TRIP12: variants seen among roughly 807,000 people sequenced by gnomAD.
TRIP12 encodes the protein E3 ubiquitin-protein ligase TRIP12.
A neutral mutation model predicts 244.2 loss-of-function variants in TRIP12; 25 were observed. The ratio of observed to expected loss-of-function variants is 0.10; its 90% confidence interval spans 0.07 to 0.14. The LOEUF is 0.14. TRIP12 is among the 10% of genes least tolerant of loss of function. The pLI, the probability that TRIP12 is intolerant of heterozygous loss-of-function variation, is 1.00. For missense variants in TRIP12, 1,677 were observed against 2,486.4 expected, an observed-to-expected ratio of 0.67 and a Z score of 6.92; for synonymous variants, 905 against 873.1, an observed-to-expected ratio of 1.04 and a Z score of -0.64.
chr2:229,821,098 A>C (rs916641873), intron 8 of TRIP12, among the ~76,000 whole-genome samples: 1 of 152,180 alleles, frequency 6.6e-6, no homozygotes, highest in Non-Finnish European at 1.5e-5. Context: ...GTAAAGACCT[A>C]ATTAAATTAA....
At chr2:229,896,068 TA>T (rs1448521989) in intron 1 of TRIP12, among the ~76,000 whole-genome samples, 3 of 151,996 alleles carry the variant, frequency 2.0e-5, no homozygotes, top group African/African-American at 7.2e-5. Flanking sequence ...TTGGTCAGAT[TA>T]AAAGTTTTTC....
chr2:229,885,815 C>T (rs1233346890), intron 1 of TRIP12, among the ~76,000 whole-genome samples: 1 of 152,026 alleles, frequency 6.6e-6, no homozygotes, highest in Non-Finnish European at 1.5e-5. Context: ...TCTGTATCGC[C>T]CACCTAGGCT....
At chr2:229,873,995 G>A (rs1277113377) in intron 2 of TRIP12, among the ~76,000 whole-genome samples, 2 of 151,622 alleles carry the variant, frequency 1.3e-5, no homozygotes, top group East Asian at 1.9e-4. Flanking sequence ...GAAAAACAGA[G>A]TTGGTAGACT....
chr2:229,890,080 C>CT (rs11303479), intron 1 of TRIP12, among the ~76,000 whole-genome samples: 2,647 of 130,106 alleles, frequency 0.02, 65 homozygotes, highest in African/African-American at 0.069. Context: ...GAGGTTAACT[C>CT]TTTTTTTTTT....
chr2:229,772,936 C>T (rs1447958384), intron 38 of TRIP12, among the ~76,000 whole-genome samples: 1 of 152,070 alleles, frequency 6.6e-6, no homozygotes, highest in Non-Finnish European at 1.5e-5. Context: ...CACCCAATGT[C>T]AGGAATAAAC....
Position 229,778,852 on chromosome 2 carries a change from A to C in TRIP12, c.5209+24T>G, listed in dbSNP as rs1228243899. On this transcript the variant is annotated intron_variant, in intron 35 of 41. Transcript: ENST00000675903. This position sits in a 1 kb window ranked among gnomAD's most constrained non-coding sequence, Gnocchi z 4.1. ...TTACCTGATCTGAGTAACACAAACC[A>C]ACTAACTTACAGATAGGCATTACCT... 9 of 1,603,708 alleles carry C rather than the reference A, an allele frequency of 5.6e-6. No homozygotes were observed. The highest frequency in any genetic ancestry group is 1.7e-6 in the Non-Finnish European group (2 of 1,170,900).
intron 1 of TRIP12, among the ~76,000 whole-genome samples, chr2:229,904,755 T>C (rs974072630): frequency 6.6e-6 from 1 of 152,202 alleles, no homozygotes; most frequent in African/African-American, 2.4e-5. Flanking sequence ...ATTCGCTACA[T>C]GTTACGTGAC....
rs770253729 is a variant in TRIP12 at position 229,799,035 on chromosome 2, T to C, written c.3322A>G (p.Thr1108Ala). The change falls in exon 23 of 42, where the codon ACT becomes GCT. Residue 1108 changes from threonine to alanine, a missense_variant. Around this residue, in one of 11 missense-constraint regions of TRIP12, gnomAD observed 572 missense variants for 867.8 expected, o/e 0.66. Coordinates refer to ENST00000675903, the MANE Select transcript of TRIP12 (RefSeq NM_001348323.3). ...AAAGAAGATTTAGGTGACTGAGTAG[T>C]GGTGGGGCTTTTAGCTATGAAAAGA... ...KVDNQAKSPT[T>A]TQSPKSSFLA... 6.2e-7 allele frequency: 1 copy of C among 1,613,888 alleles called. No homozygotes were observed. The highest frequency in any genetic ancestry group is 1.1e-5 in the South Asian group (1 of 90,980).
chr2:229,862,621 T>C (rs13020559), intron 2 of TRIP12, among the ~76,000 whole-genome samples: 1 of 152,114 alleles, frequency 6.6e-6, no homozygotes, highest in African/African-American at 2.4e-5. Flanking sequence ...TAGACAACTT[T>C]GTGAAAAATA....
At chr2:229,805,665 T>C (rs950627090) in intron 18 of TRIP12, 65 bp downstream of exon 18, 3 of 1,371,858 alleles carry the variant, frequency 2.2e-6, no homozygotes, top group East Asian at 4.7e-5. Flanking sequence ...CCAATTATTA[T>C]TTATTATGCA....
In TRIP12 at chr2:229,778,652, C is replaced by T. The variant is rs2037087221; in HGVS notation, c.5210-65G>A. The T allele has an allele frequency of 3.8e-6, 6 of 1,569,524 alleles. No individual in the cohort carries two copies. In the South Asian group the frequency reaches 5.9e-5, roughly 15 times the overall value. On this transcript the variant is annotated intron_variant, in intron 35 of 41. Coordinates refer to ENST00000675903, the MANE Select transcript of TRIP12 (RefSeq NM_001348323.3). The surrounding 1 kb of genome is among the most constrained non-coding windows in gnomAD (Gnocchi z 4.1). ...CCAAAAACAAAACAAAACCTGGTAA[C>T]TAAGAACATTTAAGAAATTAAGCAT...
At chr2:229,782,869 G>T (rs1278252261) in intron 34 of TRIP12, among the ~76,000 whole-genome samples, 4 of 152,142 alleles carry the variant, frequency 2.6e-5, no homozygotes, top group African/African-American at 9.7e-5. Context: ...TAAGAAAGCT[G>T]AGGGGCAGAA....
chr2:229,835,776 C>T (rs939194353), intron 6 of TRIP12, among the ~76,000 whole-genome samples: 1 of 152,218 alleles, frequency 6.6e-6, no homozygotes, highest in African/African-American at 2.4e-5. Context: ...TTTCCACATT[C>T]AGGCTTCAAA....
chr2:229,776,386 T>C (rs919994722), intron 37 of TRIP12, among the ~76,000 whole-genome samples: 8 of 152,184 alleles, frequency 5.3e-5, no homozygotes, highest in African/African-American at 1.4e-4. Context: ...AATTCTAAAA[T>C]GACAAATTCT....
chr2:229,821,100 T>C (rs1164992113), intron 8 of TRIP12, among the ~76,000 whole-genome samples: 3 of 152,176 alleles, frequency 2.0e-5, no homozygotes, highest in Non-Finnish European at 4.4e-5. Context: ...AAAGACCTAA[T>C]TAAATTAACT....
chr2:229,887,354 A>G (rs2066249784), intron 1 of TRIP12, among the ~76,000 whole-genome samples: 1 of 152,246 alleles, frequency 6.6e-6, no homozygotes, highest in South Asian at 2.1e-4. Context: ...TAGAGCAGTG[A>G]GGAAAGACAT....
At position 229,871,237 on chromosome 2, in the gene TRIP12, A is replaced by G. The variant is rs570716148; in HGVS notation, c.98+8745T>C. ...GGGACCGGAAAGGAAAGAAAAGAAG[A>G]AAGAAAAGAGAAGAGATCCTAATCC... On this transcript the variant is annotated intron_variant, in intron 2 of 41. Coordinates refer to ENST00000675903, the MANE Select transcript of TRIP12 (RefSeq NM_001348323.3). Among the ~76,000 whole-genome samples, 649 of 152,144 alleles carry G rather than the reference A, an allele frequency of 4.3e-3. 3 individuals carry two copies. The highest frequency in any genetic ancestry group is 6.3e-3 in the Non-Finnish European group (425 of 67,996).
chr2:229,912,491 CCA>C (rs1459938664), intron 1 of TRIP12, among the ~76,000 whole-genome samples: 2 of 152,142 alleles, frequency 1.3e-5, no homozygotes, highest in Admixed American at 6.6e-5. Context: ...ACCCTCTACT[CCA>C]GAGAGCCCAT....
chr2:229,852,424 A>T (rs2058887287), intron 4 of TRIP12, among the ~76,000 whole-genome samples: 1 of 152,080 alleles, frequency 6.6e-6, no homozygotes, highest in South Asian at 2.1e-4. Flanking sequence ...TTGAAGCCAA[A>T]CTATTATAAA....
Sources: gnomAD v4.1 joint callset for allele counts (sites outside exome capture counted in the v4.1 genomes callset) on GRCh38, gnomAD v4.1.1 for gene constraint, gnomAD v4.1.1 regional missense constraint, Gnocchi (gnomAD v3.1) non-coding constraint, MANE v1.5 for transcripts, NCBI Gene and HGNC (gene_info 2026-07-23, HGNC 2026-07-21) for gene names.